CNTN5: variants seen among roughly 807,000 people sequenced by gnomAD.
CNTN5 encodes contactin 5.
A neutral mutation model predicts 129.1 loss-of-function variants in CNTN5; 77 were observed. That is an observed-to-expected ratio of 0.60 (90% CI 0.50 to 0.72). The LOEUF (loss-of-function observed/expected upper bound fraction) is 0.72. Ranked by LOEUF, CNTN5 falls within the 30% of genes least tolerant of loss-of-function variation. The pLI is 0.00. For missense variants in CNTN5, 1,478 were observed against 1,328.8 expected (o/e 1.11, Z -1.75); for synonymous variants, 509 against 465.6 (o/e 1.09, Z -1.20).
intron 2 of CNTN5, among the ~76,000 whole-genome samples, chr11:99,547,594 G>C (rs1448580489): frequency 6.6e-6 from 1 of 152,156 alleles, no homozygotes; most frequent in Non-Finnish European, 1.5e-5. Flanking sequence ...TTTTCCAGCA[G>C]TTACCCTAGA....
chr11:99,324,015 A>G (rs1291141454), intron 1 of CNTN5, among the ~76,000 whole-genome samples: 1 of 152,178 alleles, frequency 6.6e-6, no homozygotes, highest in Non-Finnish European at 1.5e-5. Flanking sequence ...AATATCTATA[A>G]TTTAGACTTG....
chr11:99,045,125 A>T (rs1455794725), intron 1 of CNTN5, among the ~76,000 whole-genome samples: 1 of 152,242 alleles, frequency 6.6e-6, no homozygotes, highest in East Asian at 1.9e-4. Context: ...TACAGTCAGG[A>T]TGCATCCCAT....
intron 1 of CNTN5, among the ~76,000 whole-genome samples, chr11:99,052,519 T>G (rs1864468920): frequency 6.6e-6 from 1 of 151,928 alleles, no homozygotes; most frequent in Non-Finnish European, 1.5e-5. Flanking sequence ...AGGTACATAA[T>G]AGTGTATAAG....
At chr11:100,354,051 T>C (rs1952473655) in intron 24 of CNTN5, among the ~76,000 whole-genome samples, 1 of 151,532 alleles carries the variant, frequency 6.6e-6, no homozygotes, top group Non-Finnish European at 1.5e-5. Context: ...TACACGAGTA[T>C]CTAAATCCAC....
At chr11:99,129,253 A>G (rs539075435) in intron 1 of CNTN5, among the ~76,000 whole-genome samples, 10 of 152,332 alleles carry the variant, frequency 6.6e-5, no homozygotes, top group African/African-American at 2.4e-4. Context: ...TTTAGAGAGG[A>G]ACATAAATGA....
At chr11:99,455,384 T>G (rs1252323466) in intron 2 of CNTN5, among the ~76,000 whole-genome samples, 2 of 151,792 alleles carry the variant, frequency 1.3e-5, no homozygotes, top group Non-Finnish European at 2.9e-5. Context: ...TAAAAGAAAT[T>G]TAGGAGAGAA....
At chr11:99,164,251 A>T (rs1860766597) in intron 1 of CNTN5, among the ~76,000 whole-genome samples, 1 of 147,180 alleles carries the variant, frequency 6.8e-6, no homozygotes, top group African/African-American at 2.5e-5. Context: ...TGAACCCAGG[A>T]GGCAGAGGTT....
intron 3 of CNTN5, among the ~76,000 whole-genome samples, chr11:99,711,610 T>A (rs1210506688): frequency 6.6e-6 from 1 of 151,938 alleles, no homozygotes; most frequent in Non-Finnish European, 1.5e-5. Context: ...TAGGTATTTC[T>A]CCTAATGCTC....
chr11:99,742,979 G>C (rs767268019), intron 3 of CNTN5, among the ~76,000 whole-genome samples: 3 of 152,162 alleles, frequency 2.0e-5, no homozygotes, highest in Non-Finnish European at 4.4e-5. Context: ...GTTTATCTTA[G>C]CTTGTGTGGC....
intron 2 of CNTN5, among the ~76,000 whole-genome samples, chr11:99,523,694 CAGAATAGAACAGAATAGAAT>C (rs1244558832): frequency 0.25 from 18,044 of 72,164 alleles, 1,781 homozygotes; most frequent in Non-Finnish European, 0.3. Context: ...CAGAACAGAA[CAGAATAGAACAGAATAGAAT>C]AGAATAGAAT....
At chr11:99,832,850 C>A (rs1046323999) in intron 4 of CNTN5, among the ~76,000 whole-genome samples, 1 of 152,148 alleles carries the variant, frequency 6.6e-6, no homozygotes, top group Non-Finnish European at 1.5e-5. Flanking sequence ...GTTTACATTA[C>A]ATGAATAAGC....
chr11:99,093,456 T>TA (rs59443826), intron 1 of CNTN5, among the ~76,000 whole-genome samples: 9 of 151,370 alleles, frequency 5.9e-5, no homozygotes, highest in African/African-American at 1.9e-4. Context: ...TTTTTTTTTT[T>TA]ATTTCTTATT....
intron 9 of CNTN5, among the ~76,000 whole-genome samples, chr11:100,049,162 A>G (rs1056534237): frequency 6.6e-6 from 1 of 152,178 alleles, no homozygotes; most frequent in African/African-American, 2.4e-5. Flanking sequence ...GTACATATAA[A>G]GTATATTTGC....
At chr11:99,217,945 C>T (rs1463362477) in intron 1 of CNTN5, among the ~76,000 whole-genome samples, 3 of 152,084 alleles carry the variant, frequency 2.0e-5, no homozygotes, top group East Asian at 1.9e-4. Flanking sequence ...CTAAGATAAA[C>T]GTTAGCTTAA....
chr11:100,066,961 A>G (rs1026805044), intron 10 of CNTN5, among the ~76,000 whole-genome samples: 1 of 152,144 alleles, frequency 6.6e-6, no homozygotes, highest in African/African-American at 2.4e-5. Context: ...GCCTAAGACA[A>G]ATTATTTCAG....
chr11:100,204,600 A>G (rs540739912), intron 15 of CNTN5, among the ~76,000 whole-genome samples: 9 of 151,140 alleles, frequency 6.0e-5, no homozygotes, highest in African/African-American at 2.2e-4. Flanking sequence ...CTCAGCCTCC[A>G]GTTAAAGAGT....
chr11:99,028,181 A>G (rs1591066557), intron 1 of CNTN5, among the ~76,000 whole-genome samples: 1 of 151,836 alleles, frequency 6.6e-6, no homozygotes, highest in African/African-American at 2.4e-5. Flanking sequence ...TGAAAATTAT[A>G]CATATTAACT....
intron 15 of CNTN5, among the ~76,000 whole-genome samples, chr11:100,205,197 A>T (rs1465774942): frequency 6.6e-6 from 1 of 152,056 alleles, no homozygotes; most frequent in East Asian, 1.9e-4. Flanking sequence ...TTTCTAAGAC[A>T]TCTTTAAAAT....
intron 21 of CNTN5, chr11:100,309,378 A>T: frequency 1.0e-6 from 1 of 973,562 alleles, no homozygotes; most frequent in Middle Eastern, 5.3e-4. Flanking sequence ...CAATTATTTG[A>T]TTAACATACA....
Sources: gnomAD v4.1 joint callset for allele counts (sites outside exome capture counted in the v4.1 genomes callset) on GRCh38, gnomAD v4.1.1 for gene constraint, MANE v1.5 for transcripts, NCBI Gene and HGNC (gene_info 2026-07-23, HGNC 2026-07-21) for gene names.